The following THADA variants were observed in gnomAD, a reference collection of about 807,000 sequenced individuals.
THADA encodes the protein tRNA (32-2'-O)-methyltransferase regulator THADA.
A neutral mutation model predicts 219.8 loss-of-function variants in THADA; 213 were observed. The observed-to-expected ratio is 0.97, with a 90% confidence interval of 0.87 to 1.09. THADA has a LOEUF of 1.09. Among genes scored for constraint, THADA ranks in the 50% least tolerant of loss-of-function variants. The pLI is 0.00. For synonymous variants in THADA, 1,018 were observed against 828.9 expected (o/e 1.23, Z -3.92); for missense variants, 2,956 against 2,311.3 (o/e 1.28, Z -5.72).
chr2:43,593,497 C>T (rs1278620190), intron 1 of THADA, among the ~76,000 whole-genome samples: 1 of 152,188 alleles, frequency 6.6e-6, no homozygotes, highest in Non-Finnish European at 1.5e-5. Context: ...ACCTAGAGAG[C>T]ACCTCCTTCA....
At chr2:43,374,055 A>G (rs921384639) in intron 29 of THADA, among the ~76,000 whole-genome samples, 5 of 152,212 alleles carry the variant, frequency 3.3e-5, no homozygotes, top group Non-Finnish European at 7.3e-5. Flanking sequence ...CTTACTATTT[A>G]TTGTTGCACA....
At chr2:43,526,794 G>A (rs1417138243) in intron 22 of THADA, among the ~76,000 whole-genome samples, 1 of 152,014 alleles carries the variant, frequency 6.6e-6, no homozygotes, top group African/African-American at 2.4e-5. Flanking sequence ...TTTAATAACA[G>A]GAACTTCATC....
At chr2:43,451,591 C>T (rs1308615316) in intron 26 of THADA, among the ~76,000 whole-genome samples, 3 of 152,168 alleles carry the variant, frequency 2.0e-5, no homozygotes, top group South Asian at 4.1e-4. Context: ...TAAATATTTG[C>T]TATCTTCTTG....
intron 17 of THADA, among the ~76,000 whole-genome samples, chr2:43,553,369 T>C (rs917679415): frequency 2.0e-5 from 3 of 152,052 alleles, no homozygotes; most frequent in African/African-American, 7.2e-5. Context: ...TGGAAGGTAA[T>C]TAGGTTTAGA....
chr2:43,335,509 G>C (rs1004773924), intron 30 of THADA, among the ~76,000 whole-genome samples: 1 of 152,146 alleles, frequency 6.6e-6, no homozygotes, highest in East Asian at 1.9e-4. Flanking sequence ...TCAATGATTC[G>C]ATTTGATAAG....
chr2:43,529,504 T>C (rs994301869), intron 21 of THADA, among the ~76,000 whole-genome samples: 2 of 152,156 alleles, frequency 1.3e-5, no homozygotes, highest in Non-Finnish European at 2.9e-5. Context: ...TGAACCACTG[T>C]GGCCGGCCAG....
At chr2:43,310,116 T>A (rs189723451) in intron 31 of THADA, among the ~76,000 whole-genome samples, 1 of 152,068 alleles carries the variant, frequency 6.6e-6, no homozygotes, top group African/African-American at 2.4e-5. Flanking sequence ...AAAGACATCA[T>A]ATTGTTATGA....
At chr2:43,501,048 G>A (rs756518460) in intron 24 of THADA, among the ~76,000 whole-genome samples, 1 of 151,950 alleles carries the variant, frequency 6.6e-6, no homozygotes, top group Non-Finnish European at 1.5e-5. Context: ...GCTCAAGCCT[G>A]TGATCCCAGC....
intron 26 of THADA, among the ~76,000 whole-genome samples, chr2:43,480,191 T>C (rs1686019043): frequency 6.6e-6 from 1 of 152,200 alleles, no homozygotes; most frequent in Admixed American, 6.5e-5. Flanking sequence ...TCATGAGCCT[T>C]AGGTCCCTCT....
At chr2:43,549,048 C>T (rs1195317332) in intron 20 of THADA, among the ~76,000 whole-genome samples, 162 bp downstream of exon 20, 1 of 152,200 alleles carries the variant, frequency 6.6e-6, no homozygotes, top group African/African-American at 2.4e-5. Flanking sequence ...AAATCCATTC[C>T]TAAACCCAAA....
At chr2:43,530,685 CTG>C (rs1404608210) in intron 21 of THADA, among the ~76,000 whole-genome samples, 2 of 152,234 alleles carry the variant, frequency 1.3e-5, no homozygotes, top group Admixed American at 1.3e-4. Context: ...AAGTGCTTCT[CTG>C]TGGATTTACA....
chr2:43,413,959 G>T (rs886540812), intron 28 of THADA, among the ~76,000 whole-genome samples: 3 of 152,174 alleles, frequency 2.0e-5, no homozygotes, highest in African/African-American at 7.2e-5. Flanking sequence ...AGTATGCACA[G>T]TATTTGCATA....
intron 24 of THADA, among the ~76,000 whole-genome samples, chr2:43,505,321 CA>C (rs199819502): frequency 1.8e-4 from 26 of 142,450 alleles, no homozygotes; most frequent in Admixed American, 3.5e-4. Flanking sequence ...ATGGTAAAGA[CA>C]AAAAAAAAAG....
intron 29 of THADA, among the ~76,000 whole-genome samples, chr2:43,366,489 C>T (rs1020173629): frequency 7.2e-5 from 11 of 152,070 alleles, no homozygotes; most frequent in Admixed American, 5.2e-4. Flanking sequence ...GTGAAAAAAG[C>T]AGAATATTTA....
intron 7 of THADA, among the ~76,000 whole-genome samples, chr2:43,585,578 A>G (rs1700937612): frequency 8.5e-6 from 1 of 117,272 alleles, no homozygotes; most frequent in South Asian, 2.8e-4. Flanking sequence ...ATAGATAGAT[A>G]GAAAGAAATA....
chr2:43,379,378 T>A (rs546630431), intron 29 of THADA, among the ~76,000 whole-genome samples: 1 of 151,972 alleles, frequency 6.6e-6, no homozygotes, highest in South Asian at 2.1e-4. Flanking sequence ...ATGTGATAAA[T>A]AGAAAATGTG....
At chr2:43,267,186 T>C (rs1442388729) in intron 36 of THADA, among the ~76,000 whole-genome samples, 1 of 152,342 alleles carries the variant, frequency 6.6e-6, no homozygotes, top group South Asian at 2.1e-4. Context: ...TTCTTATTAT[T>C]AATGGTTACT....
intron 35 of THADA, among the ~76,000 whole-genome samples, chr2:43,281,337 T>C (rs1220142099): frequency 1.3e-5 from 2 of 152,194 alleles, no homozygotes; most frequent in Non-Finnish European, 2.9e-5. Flanking sequence ...CTCTTTAATA[T>C]GGTCATCATT....
intron 14 of THADA, among the ~76,000 whole-genome samples, chr2:43,567,509 C>A (rs1305556626): frequency 2.0e-5 from 3 of 152,120 alleles, no homozygotes; most frequent in Non-Finnish European, 4.4e-5. Context: ...GGCCTGTAGT[C>A]CCAGCTACTC....
Sources: allele counts gnomAD v4.1 joint callset (sites outside exome capture counted in the v4.1 genomes callset), GRCh38; gene constraint gnomAD v4.1.1; transcripts MANE v1.5; gene names NCBI Gene and HGNC (gene_info 2026-07-23, HGNC 2026-07-21).